The following NALF1 variants were observed in gnomAD, a reference collection of about 807,000 sequenced individuals.
NALF1 encodes the protein NALCN channel auxiliary factor 1, also known as family with sequence similarity 155 member A.
In NALF1, 3 loss-of-function variants were observed where a neutral mutation model predicts 48.4. That is an observed-to-expected ratio of 0.06 (90% CI 0.03 to 0.16). NALF1 has a LOEUF of 0.16. Ranked by LOEUF, NALF1 falls within the 10% of genes least tolerant of loss-of-function variation. The pLI is 1.00. For synonymous variants in NALF1, 262 were observed against 245.7 expected, an observed-to-expected ratio of 1.07 and a Z score of -0.62; for missense variants, 526 against 571.5, an observed-to-expected ratio of 0.92 and a Z score of 0.81.
chr13:107,220,591 G>A (rs751093380), intron 1 of NALF1, among the ~76,000 whole-genome samples: 8 of 152,220 alleles, frequency 5.3e-5, no homozygotes, highest in Admixed American at 1.3e-4. Context: ...GAGTCTGACA[G>A]TAGATAGGTG....
chr13:107,597,036 A>G (rs551242571), intron 1 of NALF1, among the ~76,000 whole-genome samples: 72 of 152,240 alleles, frequency 4.7e-4, no homozygotes, highest in Non-Finnish European at 6.6e-4. Context: ...TCAGTTTTCT[A>G]TTTGCTTGAG....
In NALF1 at chr13:107,170,251, C is replaced by A; in HGVS notation, c.*246G>T. The A allele has an allele frequency of 2.0e-5, 8 of 400,218 alleles. No individual in the cohort carries two copies. Among genetic ancestry groups the A allele is most frequent in the East Asian group, 3.9e-5 (1 of 25,808 alleles). The allele number at this position is 400,218 out of a possible 1,614,324, so 24.8% of individuals were successfully genotyped here. On this transcript the variant is annotated 3_prime_UTR_variant, in exon 3 of 3. Transcript: ENST00000375915. ...AAACCAAAACGAAAGCAAATAAAAC[C>A]TCCAAACATTAAAACACAGTGTATA...
chr13:107,245,654 A>T (rs767072246), intron 1 of NALF1, among the ~76,000 whole-genome samples: 2 of 152,208 alleles, frequency 1.3e-5, no homozygotes, highest in Non-Finnish European at 2.9e-5. Flanking sequence ...AAAAAATCAT[A>T]TCGATTAAAA....
chr13:107,246,520 GT>G (rs1880589159), intron 1 of NALF1, among the ~76,000 whole-genome samples: 1 of 152,098 alleles, frequency 6.6e-6, no homozygotes, highest in African/African-American at 2.4e-5. Flanking sequence ...GTCTTTTTCT[GT>G]TTTTCAGAGC....
chr13:107,783,242 G>C (rs1877969337), intron 1 of NALF1, among the ~76,000 whole-genome samples: 1 of 142,908 alleles, frequency 7.0e-6, no homozygotes, highest in Non-Finnish European at 1.5e-5. Flanking sequence ...GGGAGGTGGG[G>C]GGGTCAGCCC....
At chr13:107,680,083 C>T (rs1449613498) in intron 1 of NALF1, among the ~76,000 whole-genome samples, 1 of 152,062 alleles carries the variant, frequency 6.6e-6, no homozygotes, top group Non-Finnish European at 1.5e-5. Context: ...GCCTGAGTGC[C>T]CAGGTGCCCA....
intron 2 of NALF1, among the ~76,000 whole-genome samples, chr13:107,196,087 G>C (rs940295852): frequency 3.9e-5 from 6 of 152,152 alleles, no homozygotes; most frequent in Non-Finnish European, 7.3e-5. Flanking sequence ...GCTTATAAGT[G>C]GGAGCTAAAT....
chr13:107,319,369 A>G lies in NALF1; in HGVS notation c.916-108614T>C, dbSNP rs972941695. ...ATTCAGGGAAAGACCAAAAGCAGGA[A>G]GGTTATTAAAATGACAATTGCAGTA... is the stretch of plus-strand genomic sequence containing the variant. On this transcript the variant is annotated intron_variant, in intron 1 of 2. Transcript: ENST00000375915. Among the ~76,000 whole-genome samples, 23 of 152,106 alleles carry G rather than the reference A, an allele frequency of 1.5e-4. 1 individual carries two copies. The highest frequency in any genetic ancestry group is 5.9e-5 in the Non-Finnish European group (4 of 68,014).
chr13:107,714,683 CCT>C (rs139186960), intron 1 of NALF1, among the ~76,000 whole-genome samples: 2,997 of 149,036 alleles, frequency 0.02, 58 homozygotes, highest in Middle Eastern at 0.028. Flanking sequence ...CAGAGCATTT[CCT>C]CTTTTGTTTG....
At chr13:107,865,116 CAGGT>C (rs1880674601) in intron 1 of NALF1, among the ~76,000 whole-genome samples, 2 of 152,204 alleles carry the variant, frequency 1.3e-5, no homozygotes, top group Non-Finnish European at 2.9e-5. Flanking sequence ...TAAATATCCT[CAGGT>C]AGGCCCCCAG....
At chr13:107,184,973 T>C (rs574267999) in intron 2 of NALF1, among the ~76,000 whole-genome samples, 1 of 152,018 alleles carries the variant, frequency 6.6e-6, no homozygotes, top group Non-Finnish European at 1.5e-5. Flanking sequence ...GGTTCCTTAA[T>C]CCAGTAAGAC....
intron 1 of NALF1, among the ~76,000 whole-genome samples, chr13:107,233,131 A>C (rs184893471): frequency 3.5e-4 from 54 of 152,358 alleles, no homozygotes; most frequent in African/African-American, 1.3e-3. Flanking sequence ...AAAACAACTA[A>C]AACAGTTAAG....
intron 1 of NALF1, among the ~76,000 whole-genome samples, chr13:107,842,436 T>G (rs1242781264): frequency 6.6e-6 from 1 of 152,100 alleles, no homozygotes; most frequent in African/African-American, 2.4e-5. Flanking sequence ...AAATCAAATG[T>G]AAAGATTAAA....
intron 1 of NALF1, among the ~76,000 whole-genome samples, chr13:107,579,261 T>A (rs1566401329): frequency 6.6e-6 from 1 of 152,150 alleles, no homozygotes; most frequent in Non-Finnish European, 1.5e-5. Flanking sequence ...CCAGCTCATT[T>A]TGTGTGTTTA....
intron 1 of NALF1, among the ~76,000 whole-genome samples, chr13:107,386,138 T>C (rs1883527240): frequency 6.6e-6 from 1 of 152,248 alleles, no homozygotes; most frequent in African/African-American, 2.4e-5. Flanking sequence ...ACATGTTTTG[T>C]CTTTTTAGTG....
At chr13:107,189,227 CA>C (rs1425066356) in intron 2 of NALF1, among the ~76,000 whole-genome samples, 1 of 152,200 alleles carries the variant, frequency 6.6e-6, no homozygotes, top group Non-Finnish European at 1.5e-5. Flanking sequence ...ACCAGGAGAA[CA>C]AAGACTGTCT....
At chr13:107,216,800 T>G (rs546115142) in intron 1 of NALF1, among the ~76,000 whole-genome samples, 2 of 152,270 alleles carry the variant, frequency 1.3e-5, no homozygotes, top group South Asian at 2.1e-4. Flanking sequence ...GGAATCAGTC[T>G]GAACATCACA....
At chr13:107,578,559 C>A (rs555994667) in intron 1 of NALF1, among the ~76,000 whole-genome samples, 1 of 152,264 alleles carries the variant, frequency 6.6e-6, no homozygotes, top group East Asian at 1.9e-4. Context: ...GGCAATCATT[C>A]TGGCATTTAA....
intron 1 of NALF1, among the ~76,000 whole-genome samples, chr13:107,228,723 G>A (rs989263194): frequency 1.3e-5 from 2 of 152,078 alleles, no homozygotes; most frequent in East Asian, 3.9e-4. Context: ...GGGCTCAAGC[G>A]ATTCTCCTGC....
Sources: gnomAD v4.1 joint callset for allele counts (sites outside exome capture counted in the v4.1 genomes callset) on GRCh38, gnomAD v4.1.1 for gene constraint, MANE v1.5 for transcripts, NCBI Gene and HGNC (gene_info 2026-07-23, HGNC 2026-07-21) for gene names.